The following KLHL2 variants were observed in gnomAD, a reference collection of about 807,000 sequenced individuals.
KLHL2 encodes the protein kelch like family member 2, also known as kelch-like protein 2.
KLHL2 carries 15 observed loss-of-function variants against 75.8 expected under a neutral mutation model. The observed-to-expected ratio is 0.20, with a 90% CI of 0.13 to 0.30. The LOEUF (loss-of-function observed/expected upper bound fraction) is 0.30. KLHL2 is among the 10% of genes least tolerant of loss of function. The pLI, the probability that KLHL2 is intolerant of heterozygous loss-of-function variation, is 1.00. For missense variants in KLHL2, 381 were observed against 741.0 expected (o/e 0.51, Z 5.64); for synonymous variants, 214 against 251.9 (o/e 0.85, Z 1.42).
intron 6 of KLHL2, 102 bp from the exon 7 acceptor site, chr4:165,297,507 G>A (rs1397360708): frequency 1.8e-5 from 13 of 704,968 alleles, no homozygotes; most frequent in Admixed American, 4.2e-5. Context: ...AAACTTGGAT[G>A]TCTTAGCAAG....
At position 165,232,605 on chromosome 4, in the gene KLHL2, G is replaced by A. The variant is rs534414253; in HGVS notation, c.259+3692G>A. Among the ~76,000 whole-genome samples the A allele has an allele frequency of 6.4e-4, 97 of 151,546 alleles. 1 individual carries two copies. The highest frequency in any genetic ancestry group is 2.0e-3 in the African/African-American group (82 of 41,312). On this transcript the variant is annotated intron_variant, in intron 3 of 14. Transcript: ENST00000226725. ...AAAAATTGACTGAGCATGGTCACACGTGCCTGTATAGTCAGTCCCAGATAC... is the reference window on the plus strand; with the variant it reads ...AAAAATTGACTGAGCATGGTCACACATGCCTGTATAGTCAGTCCCAGATAC...
intron 7 of KLHL2, among the ~76,000 whole-genome samples, chr4:165,298,469 T>G (rs1269134395): frequency 2.6e-5 from 4 of 151,440 alleles, no homozygotes; most frequent in Non-Finnish European, 5.9e-5. Context: ...CCAAATAATT[T>G]TAAATTTACT....
intron 4 of KLHL2, among the ~76,000 whole-genome samples, chr4:165,244,057 C>CTT (rs35091242): frequency 2.0e-5 from 3 of 151,116 alleles, no homozygotes; most frequent in African/African-American, 2.4e-5. Context: ...AATTTCCAGG[C>CTT]TTTTTTTTTA....
intron 14 of KLHL2, among the ~76,000 whole-genome samples, chr4:165,320,246 G>A (rs1177630699): frequency 2.0e-5 from 3 of 152,158 alleles, no homozygotes; most frequent in Non-Finnish European, 4.4e-5. Context: ...AAATGCAGTT[G>A]GGTTTATGAT....
At position 165,219,994 on chromosome 4, in the gene KLHL2, C is replaced by T. The variant is rs554728707; in HGVS notation, c.87C>T (p.His29=). 2.9e-5 allele frequency: 47 copies of T among 1,613,756 alleles called. No individual in the cohort carries two copies. In the African/African-American group the frequency reaches 5.7e-4, roughly 20 times the overall value. The change falls in exon 2 of 15, where the codon CAC becomes CAT. Residue 29 remains histidine (H), a synonymous_variant. Transcript: ENST00000226725. ...CAAAAGATGATAATACCGAAAAACA[C>T]TGCCCAGTGACAGTGAATCCTTGGC... ...LDSKDDNTEK[H]CPVTVNPWHM...
At chr4:165,238,124 A>C (rs1016929181) in intron 3 of KLHL2, among the ~76,000 whole-genome samples, 1 of 152,228 alleles carries the variant, frequency 6.6e-6, no homozygotes, top group African/African-American at 2.4e-5. Flanking sequence ...GCTGCAGTTG[A>C]CAAACAGGAA....
chr4:165,217,462 A>G (rs1443342538), intron 1 of KLHL2, among the ~76,000 whole-genome samples: 2 of 152,124 alleles, frequency 1.3e-5, no homozygotes, highest in East Asian at 3.9e-4. Flanking sequence ...AATTCCCTAC[A>G]CACACACCTT....
At chr4:165,305,763 G>A in intron 9 of KLHL2, 38 bp downstream of exon 9, 1 of 1,349,528 alleles carries the variant, frequency 7.4e-7, no homozygotes, top group Non-Finnish European at 1.1e-6. Context: ...TCTACTCCTG[G>A]GTCATTGGGA....
chr4:165,213,266 T>G (rs1193296414), intron 1 of KLHL2, among the ~76,000 whole-genome samples: 4 of 152,188 alleles, frequency 2.6e-5, no homozygotes, highest in Non-Finnish European at 4.4e-5. Flanking sequence ...TATTCTCTCC[T>G]CATCCTTCAG....
intron 5 of KLHL2, among the ~76,000 whole-genome samples, chr4:165,265,772 G>A (rs1415912228): frequency 2.0e-5 from 3 of 152,054 alleles, no homozygotes; most frequent in Admixed American, 6.6e-5. Flanking sequence ...GAATAGTGTC[G>A]CAATAAACAT....
intron 2 of KLHL2, among the ~76,000 whole-genome samples, chr4:165,220,499 C>T (rs1470253094): frequency 1.3e-5 from 2 of 152,052 alleles, no homozygotes; most frequent in African/African-American, 4.8e-5. Flanking sequence ...GCAGGAGGAT[C>T]ACTTGAAGCC....
intron 5 of KLHL2, chr4:165,278,000 A>G: frequency 7.1e-7 from 1 of 1,411,480 alleles, no homozygotes; most frequent in Non-Finnish European, 1.0e-6. Context: ...AATACCTGAG[A>G]TGTACCTTGC....
At chr4:165,290,360 C>T (rs954733027) in intron 5 of KLHL2, among the ~76,000 whole-genome samples, 3 of 152,018 alleles carry the variant, frequency 2.0e-5, no homozygotes, top group Non-Finnish European at 4.4e-5. Context: ...GTCTTGAACC[C>T]CTGGACTCAA....
At position 165,207,765 on chromosome 4, in the gene KLHL2, T is replaced by A; in HGVS notation, c.-112T>A. ...GCGGTGAGGAGAGCGCGGCGCCCCC[T>A]CCGGGGCGGATGGAACGCGGCTCGG... On this transcript the variant is annotated 5_prime_UTR_variant, in exon 1 of 15. Coordinates refer to ENST00000226725, the MANE Select transcript of KLHL2 (RefSeq NM_007246.4). This position sits in a 1 kb window ranked among gnomAD's most constrained non-coding sequence, Gnocchi z 4.2. 1.0e-6 allele frequency: 1 copy of A among 954,076 alleles called. No homozygotes were observed. Among genetic ancestry groups the A allele is most frequent in the Admixed American group, 2.8e-5 (1 of 35,112 alleles). 59.1% of individuals were successfully genotyped at this position (954,076 alleles called of 1,614,324 possible).
intron 8 of KLHL2, 124 bp from the exon 9 acceptor site, chr4:165,305,484 T>C: frequency 1.3e-6 from 1 of 741,036 alleles, no homozygotes; most frequent in South Asian, 1.6e-5. Flanking sequence ...TAGATGTTTG[T>C]ATTCGCCAGC....
chr4:165,237,154 T>G (rs969364446), intron 3 of KLHL2, among the ~76,000 whole-genome samples: 2 of 151,944 alleles, frequency 1.3e-5, no homozygotes, highest in African/African-American at 4.8e-5. Flanking sequence ...CAAAAGAGGC[T>G]TCAGTTTATA....
intron 11 of KLHL2, among the ~76,000 whole-genome samples, chr4:165,311,981 G>C (rs1014693930): frequency 6.6e-6 from 1 of 152,066 alleles, no homozygotes; most frequent in Non-Finnish European, 1.5e-5. Flanking sequence ...GGGGTGGGTT[G>C]GGGGGATGGT....
intron 5 of KLHL2, among the ~76,000 whole-genome samples, chr4:165,272,822 C>A (rs1742800700): frequency 6.6e-6 from 1 of 152,216 alleles, no homozygotes; most frequent in African/African-American, 2.4e-5. Context: ...AGAATTAGAA[C>A]ACTTCTGTTT....
intron 1 of KLHL2, among the ~76,000 whole-genome samples, chr4:165,208,726 A>G (rs1261273679): frequency 1.2e-4 from 19 of 152,148 alleles, no homozygotes; most frequent in Admixed American, 1.2e-3. Context: ...GAGTTTCGAA[A>G]ATTTCAATTT....
Sources: allele counts gnomAD v4.1 joint callset (sites outside exome capture counted in the v4.1 genomes callset), GRCh38; gene constraint gnomAD v4.1.1; non-coding constraint Gnocchi (gnomAD v3.1); transcripts MANE v1.5; gene names NCBI Gene and HGNC (gene_info 2026-07-23, HGNC 2026-07-21).